The following AHCYL2 variants were observed in gnomAD, a reference collection of about 807,000 sequenced individuals.
AHCYL2 encodes the protein S-adenosylhomocysteine hydrolase-like protein 2.
In AHCYL2, 28 loss-of-function variants were observed where a neutral mutation model predicts 81.4. The observed-to-expected ratio is 0.34, with a 90% CI of 0.25 to 0.47. AHCYL2 has a LOEUF of 0.47. AHCYL2 is among the 20% of genes least tolerant of loss of function. AHCYL2 has a pLI of 1.00. For missense variants in AHCYL2, 551 were observed against 785.1 expected, an observed-to-expected ratio of 0.70 and a Z score of 3.56; for synonymous variants, 272 against 290.2, an observed-to-expected ratio of 0.94 and a Z score of 0.64.
intron 1 of AHCYL2, among the ~76,000 whole-genome samples, chr7:129,269,965 A>G (rs1483109646): frequency 1.3e-5 from 2 of 152,234 alleles, no homozygotes; most frequent in African/African-American, 2.4e-5. Context: ...GCTCCTATCT[A>G]CTACTCACTT....
At chr7:129,293,815 T>C (rs1796956080) in intron 1 of AHCYL2, among the ~76,000 whole-genome samples, 1 of 152,210 alleles carries the variant, frequency 6.6e-6, no homozygotes, top group African/African-American at 2.4e-5. Context: ...TTTTGGAATA[T>C]AGTATAATTC....
chr7:129,225,504 G>A (rs771949999), intron 1 of AHCYL2, 65 bp downstream of exon 1: 8 of 1,421,366 alleles, frequency 5.6e-6, no homozygotes, highest in Non-Finnish European at 7.3e-6. Flanking sequence ...GATCCTCTCG[G>A]CACGGCGGCA....
chr7:129,423,960 C>T (rs1305556279), intron 13 of AHCYL2, among the ~76,000 whole-genome samples: 1 of 152,120 alleles, frequency 6.6e-6, no homozygotes, highest in Non-Finnish European at 1.5e-5. Flanking sequence ...TTGTTTCTAG[C>T]TGCCCTAGGA....
At chr7:129,285,036 A>T (rs1796580035) in intron 1 of AHCYL2, among the ~76,000 whole-genome samples, 1 of 152,238 alleles carries the variant, frequency 6.6e-6, no homozygotes, top group South Asian at 2.1e-4. Flanking sequence ...GGTACAGAAG[A>T]GGCCAGTGCT....
chr7:129,246,243 A>C (rs1008198732), intron 1 of AHCYL2, among the ~76,000 whole-genome samples: 17 of 152,092 alleles, frequency 1.1e-4, no homozygotes, highest in African/African-American at 4.1e-4. Flanking sequence ...TTTTTAGTAG[A>C]GACAGGGTTT....
At chr7:129,360,244 G>A (rs1793885026) in intron 1 of AHCYL2, among the ~76,000 whole-genome samples, 1 of 151,934 alleles carries the variant, frequency 6.6e-6, no homozygotes, top group Admixed American at 6.6e-5. Flanking sequence ...GCCTTCCCAA[G>A]TAGCTGGGAT....
chr7:129,400,435 G>A, intron 6 of AHCYL2, 51 bp downstream of exon 6: 1 of 1,554,586 alleles, frequency 6.4e-7, no homozygotes, highest in Non-Finnish European at 8.8e-7. Context: ...GAATGGGGAT[G>A]GGTGGAGGTT....
intron 1 of AHCYL2, among the ~76,000 whole-genome samples, chr7:129,272,489 T>A (rs1796054770): frequency 6.6e-6 from 1 of 152,210 alleles, no homozygotes; most frequent in Non-Finnish European, 1.5e-5. Context: ...TGCCAAAACC[T>A]ACAATTTGCA....
At chr7:129,413,245 C>G (rs1448279668) in intron 11 of AHCYL2, among the ~76,000 whole-genome samples, 2 of 150,230 alleles carry the variant, frequency 1.3e-5, no homozygotes, top group African/African-American at 4.9e-5. Flanking sequence ...GGGTTCATGC[C>G]ATTCTCCTGC....
intron 1 of AHCYL2, among the ~76,000 whole-genome samples, chr7:129,282,769 AT>A (rs545372655): frequency 2.5e-4 from 37 of 148,166 alleles, no homozygotes; most frequent in Non-Finnish European, 4.8e-4. Context: ...TAGGTACTGG[AT>A]TTTTTTTTTA....
rs11379395 is a variant in AHCYL2 at position 129,258,230 on chromosome 7, A to ATT, written c.363+32805_363+32806dup. ...AAGTAAATCAGATTCACAGTTCTCAATTTTTTTTTTTTTTTGCCTTTAAAA... is the reference window on the plus strand; with the variant it reads ...AAGTAAATCAGATTCACAGTTCTCAATTTTTTTTTTTTTTTTTGCCTTTAAAA... On this transcript the variant is annotated intron_variant, in intron 1 of 16. Coordinates refer to ENST00000325006, the MANE Select transcript of AHCYL2 (RefSeq NM_015328.4). Among the ~76,000 whole-genome samples, 203 of 131,922 alleles carry ATT rather than the reference A, an allele frequency of 1.5e-3. 1 individual carries two copies. Among genetic ancestry groups the ATT allele is most frequent in the Non-Finnish European group, 2.5e-3 (157 of 62,638 alleles). The allele number at this position is 131,922 out of a possible 152,430, so 86.5% of individuals were successfully genotyped here.
At chr7:129,279,544 G>C (rs1796353915) in intron 1 of AHCYL2, among the ~76,000 whole-genome samples, 1 of 152,204 alleles carries the variant, frequency 6.6e-6, no homozygotes, top group Non-Finnish European at 1.5e-5. Context: ...AGGATTCTTG[G>C]TTCTCATGCA....
At chr7:129,344,333 G>A (rs750578219) in intron 1 of AHCYL2, among the ~76,000 whole-genome samples, 7 of 152,086 alleles carry the variant, frequency 4.6e-5, no homozygotes, top group Non-Finnish European at 8.8e-5. Context: ...CCCCAAAGTG[G>A]AAACAACACC....
intron 1 of AHCYL2, among the ~76,000 whole-genome samples, chr7:129,277,876 C>T (rs887531889): frequency 6.6e-6 from 1 of 152,160 alleles, no homozygotes; most frequent in Non-Finnish European, 1.5e-5. Context: ...CAGTTTGAGG[C>T]TATCATAAAT....
intron 1 of AHCYL2, among the ~76,000 whole-genome samples, chr7:129,240,062 A>G (rs1794793622): frequency 6.6e-6 from 1 of 152,154 alleles, no homozygotes; most frequent in African/African-American, 2.4e-5. Context: ...TGTCTCTACT[A>G]AAAATACAAA....
intron 1 of AHCYL2, among the ~76,000 whole-genome samples, chr7:129,310,201 G>T (rs1365007674): frequency 6.6e-6 from 1 of 151,826 alleles, no homozygotes; most frequent in Non-Finnish European, 1.5e-5. Context: ...TTAAAAAAAA[G>T]AAAAAAGATG....
At chr7:129,271,477 G>A (rs181144611) in intron 1 of AHCYL2, among the ~76,000 whole-genome samples, 92 of 151,708 alleles carry the variant, frequency 6.1e-4, no homozygotes, top group Non-Finnish European at 1.1e-3. Context: ...TATATTCATA[G>A]AACAGAATAC....
chr7:129,236,305 A>G (rs777309831), intron 1 of AHCYL2, among the ~76,000 whole-genome samples: 1 of 151,746 alleles, frequency 6.6e-6, no homozygotes, highest in African/African-American at 2.4e-5. Context: ...GGTTCAAGCG[A>G]TTCTCTTGCC....
At chr7:129,339,965 C>G (rs1793107585) in intron 1 of AHCYL2, among the ~76,000 whole-genome samples, 1 of 127,368 alleles carries the variant, frequency 7.9e-6, no homozygotes, top group Non-Finnish European at 1.6e-5. Context: ...GTCGCCCAGG[C>G]TGGAGTGCAG....
Sources: allele counts gnomAD v4.1 joint callset (sites outside exome capture counted in the v4.1 genomes callset), GRCh38; gene constraint gnomAD v4.1.1; transcripts MANE v1.5; gene names NCBI Gene and HGNC (gene_info 2026-07-23, HGNC 2026-07-21).